Variants in DAB2IP observed in about 807,000 individuals in gnomAD.
DAB2IP encodes the protein DAB2 interacting protein.
DAB2IP carries 28 observed loss-of-function variants against 107.2 expected under a neutral mutation model. The ratio of observed to expected loss-of-function variants is 0.26; its 90% CI spans 0.19 to 0.36. The LOEUF is 0.36. Among genes scored for constraint, DAB2IP ranks in the 10% least tolerant of loss-of-function variants. DAB2IP has a pLI of 1.00. For synonymous variants in DAB2IP, 755 were observed against 706.4 expected, an observed-to-expected ratio of 1.07 and a Z score of -1.09; for missense variants, 1,400 against 1,644.7, an observed-to-expected ratio of 0.85 and a Z score of 2.57.
intron 3 of DAB2IP, among the ~76,000 whole-genome samples, chr9:121,721,475 C>T (rs976766029): frequency 6.6e-6 from 1 of 152,236 alleles, no homozygotes; most frequent in African/African-American, 2.4e-5. Flanking sequence ...CCTGCCATGT[C>T]CTGCCTGTTG....
chr9:121,723,568 G>A (rs371884107), intron 3 of DAB2IP, among the ~76,000 whole-genome samples: 12 of 152,240 alleles, frequency 7.9e-5, no homozygotes, highest in African/African-American at 2.7e-4. Flanking sequence ...CTAAGATTGG[G>A]AGGAACTCTC....
At chr9:121,597,855 C>T (rs1419951277) in intron 1 of DAB2IP, among the ~76,000 whole-genome samples, 1 of 152,182 alleles carries the variant, frequency 6.6e-6, no homozygotes, top group Non-Finnish European at 1.5e-5. Flanking sequence ...CTTCCACTGA[C>T]CCTGGTATCG....
Position 121,782,512 on chromosome 9 carries a change from G to A in DAB2IP, c.*14G>A, listed in dbSNP as rs754743630. 2 of 1,612,500 alleles carry A rather than the reference G, an allele frequency of 1.2e-6. No homozygotes were observed. Among genetic ancestry groups the A allele is most frequent in the Non-Finnish European group, 1.7e-6 (2 of 1,178,808 alleles). On this transcript the variant is annotated 3_prime_UTR_variant, in exon 16 of 16. Coordinates refer to ENST00000408936, the Ensembl canonical transcript of DAB2IP. This position sits in a 1 kb window ranked among gnomAD's most constrained non-coding sequence, Gnocchi z 6.1. ...AGCAATTGTTAACCTGCCTGAGGAG[G>A]GAGGAAGCTACCCAAGGAGAGGGGG...
chr9:121,600,988 A>G (rs1830669756), intron 1 of DAB2IP, among the ~76,000 whole-genome samples: 1 of 152,204 alleles, frequency 6.6e-6, no homozygotes, highest in African/African-American at 2.4e-5. Flanking sequence ...GAAAGTTGGT[A>G]AGGACCAGCC....
chr9:121,657,945 G>A (rs1035129370), intron 1 of DAB2IP, among the ~76,000 whole-genome samples: 19 of 152,266 alleles, frequency 1.2e-4, no homozygotes, highest in African/African-American at 2.9e-4. Context: ...CCACTTGCCC[G>A]TGGTTACCTA....
At position 121,772,994 on chromosome 9, in the gene DAB2IP, G is replaced by A; in HGVS notation, c.2466G>A (p.Leu822=). ...AGGGCGCGCCAGGCCGGCCCCAGCT[G>A]TTGGCACCGCTCTCCTTCCAGAACC... The change falls in exon 12 of 16, where the codon CTG becomes CTA. Residue 822 remains leucine, a synonymous_variant. Coordinates refer to ENST00000408936, the Ensembl canonical transcript of DAB2IP. This position sits in a 1 kb window ranked among gnomAD's most constrained non-coding sequence, Gnocchi z 4.7. The A allele has an allele frequency of 6.2e-7, 1 of 1,609,616 alleles. No homozygotes were observed.
chr9:121,588,823 T>A (rs1211923235), intron 1 of DAB2IP, among the ~76,000 whole-genome samples: 4 of 151,466 alleles, frequency 2.6e-5, no homozygotes, highest in Non-Finnish European at 5.9e-5. Flanking sequence ...AGGAAGGAGG[T>A]GTCACCTCTG....
intron 1 of DAB2IP, among the ~76,000 whole-genome samples, chr9:121,604,450 G>C (rs934690100): frequency 1.3e-5 from 2 of 152,170 alleles, no homozygotes; most frequent in Non-Finnish European, 1.5e-5. Flanking sequence ...TGTTAACCAC[G>C]AGATCAAAGC....
At chr9:121,783,284 G>A in exon 16 of DAB2IP, 2 of 1,384,412 alleles carry the variant, frequency 1.4e-6, no homozygotes, top group Non-Finnish European at 1.9e-6. Flanking sequence ...CTCCCACACA[G>A]GCCCAGGCTG....
At chr9:121,766,616 C>T (rs1372410799) in exon 9 of DAB2IP, 5 of 1,614,058 alleles carry the variant, frequency 3.1e-6, no homozygotes. Context: ...TTCCTCTGCC[C>T]AGCCATCATG....
rs1388858781 is a variant in DAB2IP at position 121,686,066 on chromosome 9, G to T, written c.228+7285G>T. Among the ~76,000 whole-genome samples, 3 of 152,218 alleles carry T rather than the reference G, an allele frequency of 2.0e-5. 1 individual carries two copies. The highest frequency in any genetic ancestry group is 4.4e-5 in the Non-Finnish European group (3 of 68,032). On this transcript the variant is annotated intron_variant, in intron 2 of 15. Transcript: ENST00000408936. ...CATGGAGTGCAGCATACTTGACCAG[G>T]CTAGGAGAGTCTGGAGCTCCTTCAG... is the stretch of plus-strand genomic sequence containing the variant.
At chr9:121,686,612 C>T (rs1828891681) in intron 2 of DAB2IP, among the ~76,000 whole-genome samples, 1 of 152,174 alleles carries the variant, frequency 6.6e-6, no homozygotes, top group Non-Finnish European at 1.5e-5. Flanking sequence ...GGGATAGTCC[C>T]CCCAACCCAG....
chr9:121,699,968 G>A lies in DAB2IP; in HGVS notation c.362+510G>A, dbSNP rs1829679087. Among the ~76,000 whole-genome samples the A allele has an allele frequency of 6.6e-6, 1 of 152,210 alleles. No individual in the cohort carries two copies. Among genetic ancestry groups the A allele is most frequent in the Non-Finnish European group, 1.5e-5 (1 of 68,020 alleles). ...AGGAGCAGGGGGCTGGGCCACTTAG[G>A]GGGCACATCTGCTCTAAGTAGGGCG... is the stretch of plus-strand genomic sequence containing the variant. On this transcript the variant is annotated intron_variant, in intron 3 of 15. Coordinates refer to ENST00000408936, the Ensembl canonical transcript of DAB2IP. The surrounding 1 kb of genome is among the most constrained non-coding windows in gnomAD (Gnocchi z 6.2).
chr9:121,739,298 TG>T (rs1160443883), intron 3 of DAB2IP, among the ~76,000 whole-genome samples: 1 of 152,092 alleles, frequency 6.6e-6, no homozygotes, highest in African/African-American at 2.4e-5. Flanking sequence ...GAGACTTTGG[TG>T]TGTGTGGTGG....
chr9:121,731,137 T>C (rs1364313987), intron 3 of DAB2IP, among the ~76,000 whole-genome samples: 2 of 152,142 alleles, frequency 1.3e-5, no homozygotes, highest in Non-Finnish European at 2.9e-5. Context: ...GTTATATATA[T>C]TTTTTTGTTT....
chr9:121,570,567 G>C (rs1012726541), intron 1 of DAB2IP, among the ~76,000 whole-genome samples: 1 of 151,854 alleles, frequency 6.6e-6, no homozygotes, highest in African/African-American at 2.4e-5. Flanking sequence ...CTTTTTTATT[G>C]AGACAGGGTC....
At chr9:121,607,944 C>T (rs940350631) in intron 1 of DAB2IP, among the ~76,000 whole-genome samples, 2 of 152,240 alleles carry the variant, frequency 1.3e-5, no homozygotes, top group African/African-American at 4.8e-5. Flanking sequence ...ATAATGGAAG[C>T]AGGCCCTGGC....
At chr9:121,671,148 T>TA (rs928307506) in intron 1 of DAB2IP, among the ~76,000 whole-genome samples, 79 of 151,048 alleles carry the variant, frequency 5.2e-4, no homozygotes, top group African/African-American at 1.8e-3. Flanking sequence ...AGACTCCGTC[T>TA]AAAAAAAACA....
At chr9:121,730,335 A>G (rs748253532) in intron 3 of DAB2IP, among the ~76,000 whole-genome samples, 3 of 152,096 alleles carry the variant, frequency 2.0e-5, no homozygotes, top group Non-Finnish European at 4.4e-5. Flanking sequence ...CAACGGCTAT[A>G]TTTGCTGTGC....
Sources: allele counts gnomAD v4.1 joint callset (sites outside exome capture counted in the v4.1 genomes callset), GRCh38; gene constraint gnomAD v4.1.1; non-coding constraint Gnocchi (gnomAD v3.1); transcripts MANE v1.5; gene names NCBI Gene and HGNC (gene_info 2026-07-23, HGNC 2026-07-21).